TCF12: variants seen among roughly 807,000 people sequenced by gnomAD.
TCF12 encodes the protein DNA-binding protein HTF4.
In TCF12, 45 loss-of-function variants were observed where a neutral mutation model predicts 86.0. The observed-to-expected ratio is 0.52, with a 90% CI of 0.41 to 0.67. The LOEUF is 0.67. TCF12 is among the 30% of genes least tolerant of loss of function. The pLI is 0.00. For missense variants in TCF12, 881 were observed against 859.9 expected, an observed-to-expected ratio of 1.02 and a Z score of -0.31; for synonymous variants, 330 against 299.6, an observed-to-expected ratio of 1.10 and a Z score of -1.05.
At position 56,968,364 on chromosome 15, in the gene TCF12, GTT is replaced by G. The variant is rs71848547; in HGVS notation, c.148+47279_148+47280del. ...GCATCCATTCATATTACCTTTTTTTGTTTTTTTTTTTTTTGAAATGGGGGTCT... is the reference window on the plus strand; with the variant it reads ...GCATCCATTCATATTACCTTTTTTTGTTTTTTTTTTTTGAAATGGGGGTCT... On this transcript the variant is annotated intron_variant, in intron 3 of 20. Transcript: ENST00000333725. Among the ~76,000 whole-genome samples, 149 of 128,700 alleles carry G rather than the reference GTT, an allele frequency of 1.2e-3. 1 individual carries two copies. Among genetic ancestry groups the G allele is most frequent in the East Asian group, 9.7e-3 (45 of 4,662 alleles). The allele number at this position is 128,700 out of a possible 152,430, so 84.4% of individuals were successfully genotyped here.
chr15:57,234,017 G>T, intron 11 of TCF12, 26 bp from the exon 12 acceptor site: 4 of 1,599,684 alleles, frequency 2.5e-6, no homozygotes, highest in East Asian at 4.5e-5. Flanking sequence ...TAAAATTCTT[G>T]ATTTATTTCT....
chr15:57,058,780 A>G (rs1241961195), intron 3 of TCF12, among the ~76,000 whole-genome samples: 1 of 152,110 alleles, frequency 6.6e-6, no homozygotes, highest in African/African-American at 2.4e-5. Flanking sequence ...AGCACTTGTT[A>G]TTATATTCTA....
At chr15:57,162,127 G>A (rs534378122) in intron 5 of TCF12, among the ~76,000 whole-genome samples, 1 of 151,852 alleles carries the variant, frequency 6.6e-6, no homozygotes, top group Non-Finnish European at 1.5e-5. Context: ...TTTTTCATAG[G>A]TGCTTCAAGG....
chr15:57,198,489 A>G (rs1276074376), intron 8 of TCF12, among the ~76,000 whole-genome samples: 2 of 152,200 alleles, frequency 1.3e-5, no homozygotes, highest in African/African-American at 4.8e-5. Context: ...TGGTGGAACA[A>G]TCATTAATGG....
At chr15:57,270,261 C>A (rs1401760440) in intron 18 of TCF12, among the ~76,000 whole-genome samples, 1 of 152,120 alleles carries the variant, frequency 6.6e-6, no homozygotes, top group Non-Finnish European at 1.5e-5. Context: ...CATTTGTTTT[C>A]ACTCTTTTTT....
chr15:57,131,350 A>G (rs750953776), intron 5 of TCF12, among the ~76,000 whole-genome samples: 2 of 152,110 alleles, frequency 1.3e-5, no homozygotes, highest in Non-Finnish European at 2.9e-5. Context: ...AGCTCAACCT[A>G]TGTGTTAGTT....
intron 16 of TCF12, among the ~76,000 whole-genome samples, chr15:57,257,937 G>A (rs1459039637): frequency 6.6e-6 from 1 of 152,072 alleles, no homozygotes; most frequent in Non-Finnish European, 1.5e-5. Flanking sequence ...TTTAGCGTAA[G>A]GCTAAACTTT....
At chr15:57,081,741 G>C (rs2070679809) in intron 4 of TCF12, among the ~76,000 whole-genome samples, 1 of 151,940 alleles carries the variant, frequency 6.6e-6, no homozygotes, top group South Asian at 2.1e-4. Context: ...TTTGTTTTTT[G>C]TATTTTTAGT....
chr15:57,200,508 A>C (rs1371846062), intron 8 of TCF12, among the ~76,000 whole-genome samples: 3 of 152,212 alleles, frequency 2.0e-5, no homozygotes, highest in Non-Finnish European at 4.4e-5. Context: ...ATACTTTCCA[A>C]ACCATATTGG....
rs775135289 is a variant in TCF12 at position 57,289,220 on chromosome 15, T to G, written c.*3075T>G. 6.6e-6 allele frequency: 1 copy of G among 152,226 alleles called. No individual in the cohort carries two copies. Among genetic ancestry groups the G allele is most frequent in the Non-Finnish European group, 1.5e-5 (1 of 68,042 alleles). 9.4% of individuals were successfully genotyped at this position (152,226 alleles called of 1,614,324 possible). On this transcript the variant is annotated 3_prime_UTR_variant, in exon 21 of 21. Transcript: ENST00000333725. ...TGGGTGCCTAACAGAACATTTTGCT[T>G]CTTGTGGGATTTAGTGAAAACTATT...
chr15:57,017,290 T>A (rs1296005911), intron 3 of TCF12, among the ~76,000 whole-genome samples: 2 of 152,236 alleles, frequency 1.3e-5, no homozygotes, highest in Non-Finnish European at 2.9e-5. Flanking sequence ...AGCCTAGCAA[T>A]GCCATTTAAA....
At position 57,286,427 on chromosome 15, in the gene TCF12, A is replaced by G. The variant is rs2061936105; in HGVS notation, c.*282A>G. On this transcript the variant is annotated 3_prime_UTR_variant, in exon 21 of 21. Transcript: ENST00000333725. ...AGCAGTGTGTCGCTTCTGCACAATC[A>G]GAGACTGTCTCGATCTCTCCACTCA... The G allele has an allele frequency of 3.0e-6, 1 of 329,272 alleles. No homozygotes were observed. Among genetic ancestry groups the G allele is most frequent in the South Asian group, 2.4e-5 (1 of 40,970 alleles). 20.4% of individuals were successfully genotyped at this position (329,272 alleles called of 1,614,324 possible).
intron 4 of TCF12, among the ~76,000 whole-genome samples, chr15:57,085,985 G>T (rs2048596220): frequency 6.6e-6 from 1 of 151,978 alleles, no homozygotes; most frequent in Non-Finnish European, 1.5e-5. Context: ...TAGTTACCCT[G>T]AGGTCTATGG....
chr15:57,067,467 G>T (rs4559854), intron 4 of TCF12, among the ~76,000 whole-genome samples: 2 of 118,718 alleles, frequency 1.7e-5, no homozygotes, highest in Admixed American at 1.7e-4. Flanking sequence ...GTGAACCCGG[G>T]AGGCGGAACT....
intron 5 of TCF12, among the ~76,000 whole-genome samples, chr15:57,138,191 A>T (rs1238816288): frequency 1.3e-5 from 2 of 152,184 alleles, no homozygotes; most frequent in Admixed American, 6.5e-5. Context: ...AATATCACTG[A>T]TGGCTAAATA....
At chr15:57,229,569 T>C (rs1420848878) in intron 8 of TCF12, among the ~76,000 whole-genome samples, 5 of 151,926 alleles carry the variant, frequency 3.3e-5, no homozygotes, top group African/African-American at 1.2e-4. Context: ...AAATTGACTT[T>C]TTAACCTTTT....
chr15:57,058,761 G>A (rs1216832049), intron 3 of TCF12, among the ~76,000 whole-genome samples: 3 of 152,006 alleles, frequency 2.0e-5, no homozygotes, highest in African/African-American at 7.2e-5. Flanking sequence ...CTAATGTGTA[G>A]CATAACAAAG....
chr15:56,972,208 A>C (rs1400045555), intron 3 of TCF12, among the ~76,000 whole-genome samples: 3 of 152,258 alleles, frequency 2.0e-5, no homozygotes, highest in Admixed American at 2.0e-4. Context: ...AATGCTAATT[A>C]GTACAGCCCT....
intron 5 of TCF12, among the ~76,000 whole-genome samples, chr15:57,119,802 T>C (rs758588514): frequency 7.9e-5 from 12 of 152,162 alleles, no homozygotes; most frequent in Non-Finnish European, 1.6e-4. Context: ...CTCTTTCTCT[T>C]AAGCTTTCCC....
Sources: allele counts gnomAD v4.1 joint callset (sites outside exome capture counted in the v4.1 genomes callset), GRCh38; gene constraint gnomAD v4.1.1; transcripts MANE v1.5; gene names NCBI Gene and HGNC (gene_info 2026-07-23, HGNC 2026-07-21).